ABCC4: variants seen among roughly 807,000 people sequenced by gnomAD.
ABCC4 encodes ATP-binding cassette sub-family C member 4.
ABCC4 carries 102 observed loss-of-function variants against 168.5 expected under a neutral mutation model. The observed-to-expected ratio is 0.61, with a 90% CI of 0.52 to 0.71. The LOEUF is 0.71. ABCC4 is among the 30% of genes least tolerant of loss of function. The pLI, the probability that ABCC4 is intolerant of heterozygous loss-of-function variation, is 0.00. For synonymous variants in ABCC4, 617 were observed against 590.7 expected, an observed-to-expected ratio of 1.04 and a Z score of -0.65; for missense variants, 1,402 against 1,605.8, an observed-to-expected ratio of 0.87 and a Z score of 2.17.
chr13:95,224,388 AT>A lies in ABCC4; in HGVS notation c.531+10221del, dbSNP rs1403717955. 3.3e-5 allele frequency among the ~76,000 whole-genome samples: 5 copies of A among 152,110 alleles called. No homozygotes were observed. In the East Asian group the frequency reaches 9.7e-4, roughly 29 times the overall value. On this transcript the variant is annotated intron_variant, in intron 4 of 30. Coordinates refer to ENST00000645237, the MANE Select transcript of ABCC4 (RefSeq NM_005845.5). ...CATGTGCTTCAAAAGAAAAAAAAAA[AT>A]TTGTTCAGATTAAAGAACAAAATGA...
chr13:95,062,131 CAG>C (rs1411843061), intron 26 of ABCC4, among the ~76,000 whole-genome samples: 2 of 152,138 alleles, frequency 1.3e-5, no homozygotes, highest in East Asian at 3.9e-4. Context: ...AGCAGAAGTG[CAG>C]AGAGATGGAA....
intron 19 of ABCC4, among the ~76,000 whole-genome samples, chr13:95,144,811 C>A (rs1040652627): frequency 1.1e-4 from 16 of 152,076 alleles, no homozygotes; most frequent in Admixed American, 5.2e-4. Context: ...CTGCCCAGAG[C>A]AATTTACAGA....
chr13:95,058,289 C>T (rs1386149045), intron 26 of ABCC4, among the ~76,000 whole-genome samples: 1 of 151,990 alleles, frequency 6.6e-6, no homozygotes, highest in East Asian at 1.9e-4. Flanking sequence ...TTCTGGGAAC[C>T]TTTTGTAAGT....
intron 20 of ABCC4, among the ~76,000 whole-genome samples, chr13:95,106,377 G>A (rs1249611617): frequency 1.3e-5 from 2 of 151,122 alleles, no homozygotes; most frequent in South Asian, 2.1e-4. Flanking sequence ...ACATATATAC[G>A]CACACACACG....
chr13:95,047,798 T>C (rs1257772396), intron 27 of ABCC4, among the ~76,000 whole-genome samples: 1 of 152,206 alleles, frequency 6.6e-6, no homozygotes, highest in East Asian at 1.9e-4. Context: ...TTTTTAATAA[T>C]GCAGTCAGCT....
intron 1 of ABCC4, among the ~76,000 whole-genome samples, chr13:95,279,891 C>T (rs1203254594): frequency 6.6e-6 from 1 of 152,096 alleles, no homozygotes; most frequent in Non-Finnish European, 1.5e-5. Context: ...GTTTCTGGCC[C>T]AATTCCCTGG....
Position 95,062,802 on chromosome 13 carries a change from T to G in ABCC4, c.3268A>C (p.Arg1090=), listed in dbSNP as rs1197081289. 6 of 1,613,408 alleles carry G rather than the reference T, an allele frequency of 3.7e-6. No homozygotes were observed. In the East Asian group the frequency reaches 1.3e-4, roughly 36 times the overall value. The change falls in exon 26 of 31, where the codon AGA becomes CGA. Residue 1090 remains arginine, a synonymous_variant. Coordinates refer to ENST00000645237, the MANE Select transcript of ABCC4 (RefSeq NM_005845.5). The part of the protein sequence containing the change: ...GKSSLISALF[R]LSEPEGKIWI... ...ATTTTACCTTCGGGTTCTGACAATC[T>G]AAAAAGGGCTGAGATGAGGGAACTT... is the stretch of plus-strand genomic sequence containing the variant.
intron 3 of ABCC4, among the ~76,000 whole-genome samples, chr13:95,238,931 T>C (rs2039853227): frequency 6.6e-6 from 1 of 152,026 alleles, no homozygotes; most frequent in Admixed American, 6.6e-5. Flanking sequence ...GAAAATCCCT[T>C]AGGAAAAAAG....
chr13:95,170,515 C>T lies in ABCC4; in HGVS notation c.1824+17G>A, dbSNP rs772219639. On this transcript the variant is annotated intron_variant, in intron 14 of 30. Transcript: ENST00000645237. Reference sequence around the variant, plus strand: ...CCAAGTACTTGCAAGTTCGGGAGACCTCTAGAAACTACTTACATCTTTCAA... The same window carrying T: ...CCAAGTACTTGCAAGTTCGGGAGACTTCTAGAAACTACTTACATCTTTCAA... The T allele has an allele frequency of 1.3e-6, 2 of 1,570,180 alleles. No individual in the cohort carries two copies. Among genetic ancestry groups the T allele is most frequent in the Non-Finnish European group, 1.7e-6 (2 of 1,146,450 alleles).
intron 8 of ABCC4, among the ~76,000 whole-genome samples, chr13:95,196,643 AG>A (rs1377892984): frequency 1.9e-4 from 4 of 20,518 alleles, no homozygotes; most frequent in Admixed American, 4.9e-4. Flanking sequence ...GAAGGAAGGA[AG>A]GAAGGAAGGA....
At chr13:95,260,017 T>C (rs2040492744) in intron 1 of ABCC4, among the ~76,000 whole-genome samples, 1 of 152,136 alleles carries the variant, frequency 6.6e-6, no homozygotes, top group African/African-American at 2.4e-5. Flanking sequence ...CAGAATCCCC[T>C]GAAGAGTTAG....
chr13:95,033,860 C>T lies in ABCC4; in HGVS notation c.3870+745G>A, dbSNP rs112249230. Among the ~76,000 whole-genome samples, 430 of 152,180 alleles carry T rather than the reference C, an allele frequency of 2.8e-3. 4 individuals carry two copies. Among genetic ancestry groups the T allele is most frequent in the Middle Eastern group, 0.01 (3 of 294 alleles). Reference sequence around the variant, plus strand: ...TATTTTTAGTAGAGACGGGGTTTCTCCGTGTTGGTCAGGCTGGTCTCAGAC... The same window carrying T: ...TATTTTTAGTAGAGACGGGGTTTCTTCGTGTTGGTCAGGCTGGTCTCAGAC... On this transcript the variant is annotated intron_variant, in intron 30 of 30. Transcript: ENST00000645237.
At chr13:95,076,036 C>A (rs568660007) in intron 21 of ABCC4, among the ~76,000 whole-genome samples, 1 of 152,312 alleles carries the variant, frequency 6.6e-6, no homozygotes, top group South Asian at 2.1e-4. Context: ...AGCCATTGCA[C>A]CCTGGTAACT....
chr13:95,201,283 A>G (rs2139660844), intron 8 of ABCC4, among the ~76,000 whole-genome samples: 1 of 152,272 alleles, frequency 6.6e-6, no homozygotes, highest in South Asian at 2.1e-4. Context: ...TGGTGGGAAA[A>G]AAATAAAAAA....
chr13:95,164,055 AAAG>A (rs1303305524), intron 16 of ABCC4, among the ~76,000 whole-genome samples: 9 of 101,866 alleles, frequency 8.8e-5, no homozygotes, highest in African/African-American at 1.7e-4. Context: ...AAAAAAAAAA[AAAG>A]AAAGAAAGAA....
chr13:95,063,805 C>T (rs755571261), intron 25 of ABCC4, among the ~76,000 whole-genome samples: 1 of 152,180 alleles, frequency 6.6e-6, no homozygotes, highest in Non-Finnish European at 1.5e-5. Flanking sequence ...CACATGTGTG[C>T]ATATAAATCT....
chr13:95,249,510 G>A (rs2040202166), intron 1 of ABCC4, among the ~76,000 whole-genome samples: 1 of 152,132 alleles, frequency 6.6e-6, no homozygotes, highest in Non-Finnish European at 1.5e-5. Context: ...TTATGTTCAG[G>A]ATTCCGGAAA....
chr13:95,143,594 G>A (rs971161477), intron 19 of ABCC4, among the ~76,000 whole-genome samples: 18 of 152,096 alleles, frequency 1.2e-4, no homozygotes, highest in African/African-American at 4.3e-4. Flanking sequence ...AGGAAAAAAT[G>A]TTCATACCAA....
chr13:95,045,250 T>C (rs1475268158), intron 27 of ABCC4, among the ~76,000 whole-genome samples: 2 of 152,180 alleles, frequency 1.3e-5, no homozygotes, highest in African/African-American at 2.4e-5. Flanking sequence ...CGAGTGAGTA[T>C]AACTCAAGGG....
Sources: allele counts gnomAD v4.1 joint callset (sites outside exome capture counted in the v4.1 genomes callset), GRCh38; gene constraint gnomAD v4.1.1; transcripts MANE v1.5; gene names NCBI Gene and HGNC (gene_info 2026-07-23, HGNC 2026-07-21).